Variants in CTDP1 observed in about 807,000 individuals in gnomAD.
CTDP1 encodes the protein CTD phosphatase 1, also known as RNA polymerase II subunit A C-terminal domain phosphatase.
A neutral mutation model predicts 91.8 loss-of-function variants in CTDP1; 47 were observed. The ratio of observed to expected loss-of-function variants is 0.51; its 90% confidence interval spans 0.41 to 0.65. The LOEUF (loss-of-function observed/expected upper bound fraction) is 0.65, where lower values mean the gene tolerates loss of function less well. Among genes scored for constraint, CTDP1 ranks in the 30% least tolerant of loss-of-function variants. The pLI, the probability that CTDP1 is intolerant of heterozygous loss-of-function variation, is 0.00. For missense variants in CTDP1, 1,272 were observed against 1,373.7 expected (o/e 0.93, Z 1.17); for synonymous variants, 656 against 598.5 (o/e 1.10, Z -1.40).
intron 12 of CTDP1, among the ~76,000 whole-genome samples, chr18:79,744,602 T>G (rs2086841590): frequency 6.6e-6 from 1 of 152,208 alleles, no homozygotes. Flanking sequence ...CAAAGAATGC[T>G]TCTACAGGTA....
intron 12 of CTDP1, among the ~76,000 whole-genome samples, chr18:79,750,381 T>G (rs2122896322): frequency 6.6e-6 from 1 of 152,216 alleles, no homozygotes; most frequent in East Asian, 1.9e-4. Context: ...CATGTAGCAA[T>G]TAAAAGTAAG....
In CTDP1 at chr18:79,718,020, C is replaced by T. The variant is rs140817872; in HGVS notation, c.2417+4C>T. Reference sequence around the variant, plus strand: ...GCCAGGAGCCCTCTTCCTTCAGGTACGTGGCGGCCCAGCCACTGTCCCCAG... The same window carrying T: ...GCCAGGAGCCCTCTTCCTTCAGGTATGTGGCGGCCCAGCCACTGTCCCCAG... On this transcript the variant is annotated splice_donor_region_variant and intron_variant, in intron 10 of 12. Transcript: ENST00000613122. The T allele has an allele frequency of 4.2e-5, 67 of 1,612,796 alleles. No homozygotes were observed. The Middle Eastern group carries it at 4.9e-4, about 12-fold the overall frequency.
chr18:79,706,557 GT>G (rs879462129), intron 5 of CTDP1, among the ~76,000 whole-genome samples: 11 of 148,938 alleles, frequency 7.4e-5, no homozygotes, highest in African/African-American at 1.7e-4. Flanking sequence ...CTATTCTCTG[GT>G]TTTTTTTTTG....
intron 5 of CTDP1, among the ~76,000 whole-genome samples, chr18:79,706,076 G>A (rs1216826070): frequency 1.3e-5 from 2 of 152,198 alleles, no homozygotes; most frequent in African/African-American, 2.4e-5. Context: ...TAGGAGGGGC[G>A]TGGGAGGTGG....
At chr18:79,711,797 C>T (rs932659035) in intron 6 of CTDP1, among the ~76,000 whole-genome samples, 16 of 152,202 alleles carry the variant, frequency 1.1e-4, no homozygotes, top group Admixed American at 2.6e-4. Context: ...GGCCGCTCCC[C>T]GCCCCTCCGC....
chr18:79,695,125 A>G, intron 1 of CTDP1, 100 bp from the exon 2 acceptor site: 1 of 1,040,644 alleles, frequency 9.6e-7, no homozygotes, highest in Admixed American at 1.9e-5. Context: ...GGGTTAGTGT[A>G]GAATTGGTAC....
chr18:79,715,122 G>C lies in CTDP1; in HGVS notation c.1662G>C (p.Ala554=). ...ACGGCTGTGCCGACAGGAAGGAGGC[G>C]GAGACCGAGTCACAGAACAGCGAGC... ...LGNGCADRKE[A]ETESQNSELS... Residue 554 remains alanine, a synonymous_variant, in exon 8 of 13, where the codon GCG becomes GCC. Transcript: ENST00000613122. The C allele has an allele frequency of 6.2e-7, 1 of 1,613,474 alleles. No individual in the cohort carries two copies. The highest frequency in any genetic ancestry group is 8.5e-7 in the Non-Finnish European group (1 of 1,179,958).
At chr18:79,727,178 A>G (rs1477407792) in intron 10 of CTDP1, among the ~76,000 whole-genome samples, 1 of 152,204 alleles carries the variant, frequency 6.6e-6, no homozygotes. Context: ...TGGCGGGAGT[A>G]GAGCAGTTAT....
At chr18:79,686,221 A>G (rs2085490657) in intron 1 of CTDP1, among the ~76,000 whole-genome samples, 1 of 152,170 alleles carries the variant, frequency 6.6e-6, no homozygotes, top group Non-Finnish European at 1.5e-5. Flanking sequence ...GTGCATTATC[A>G]GATTTGTCTC....
At chr18:79,755,089 G>A (rs1240470972), downstream of CTDP1, 3 of 152,296 alleles carry the variant, frequency 2.0e-5, no homozygotes, top group Admixed American at 6.5e-5. Flanking sequence ...TGGGGTTTTC[G>A]ATGGAGGTTG....
intron 11 of CTDP1, among the ~76,000 whole-genome samples, chr18:79,732,244 CATG>C (rs2086581283): frequency 6.7e-6 from 1 of 148,730 alleles, no homozygotes; most frequent in South Asian, 2.2e-4. Flanking sequence ...AACTCACTAA[CATG>C]AGAAGTGCTC....
intron 12 of CTDP1, among the ~76,000 whole-genome samples, chr18:79,737,430 G>C (rs2086691272): frequency 6.6e-6 from 1 of 152,124 alleles, no homozygotes. Context: ...GTAAGGGGGG[G>C]ATTTAGCTTT....
chr18:79,695,042 G>A (rs2085719453), intron 1 of CTDP1, among the ~76,000 whole-genome samples, 183 bp from the exon 2 acceptor site: 1 of 152,128 alleles, frequency 6.6e-6, no homozygotes, highest in Non-Finnish European at 1.5e-5. Context: ...ACCTGTAGGT[G>A]GAAAGTCCTT....
chr18:79,695,309 G>T lies in CTDP1; in HGVS notation c.398+1G>T. ...CTGAATGTGGCCAAGACCTCACCCAGTAAGTATCCGGAAGAGTGAGATCGC... is the reference window on the plus strand; with the variant it reads ...CTGAATGTGGCCAAGACCTCACCCATTAAGTATCCGGAAGAGTGAGATCGC... On this transcript the variant is annotated splice_donor_variant, in intron 2 of 12. Transcript: ENST00000613122. LOFTEE classifies it high-confidence loss of function. 6.2e-7 allele frequency: 1 copy of T among 1,614,036 alleles called. No individual in the cohort carries two copies. The highest frequency in any genetic ancestry group is 8.5e-7 in the Non-Finnish European group (1 of 1,179,916).
chr18:79,723,861 C>T (rs547239320), intron 10 of CTDP1, among the ~76,000 whole-genome samples: 3 of 152,304 alleles, frequency 2.0e-5, no homozygotes, highest in East Asian at 1.9e-4. Context: ...TACGGCAAGT[C>T]GGCAACCTTC....
chr18:79,737,570 C>G (rs1481616253), intron 12 of CTDP1, among the ~76,000 whole-genome samples: 1 of 152,082 alleles, frequency 6.6e-6, no homozygotes, highest in African/African-American at 2.4e-5. Context: ...TTTGAGACAT[C>G]TTTTCTCAGG....
At chr18:79,714,206 C>T (rs1354034580) in intron 7 of CTDP1, among the ~76,000 whole-genome samples, 3 of 152,180 alleles carry the variant, frequency 2.0e-5, no homozygotes, top group Non-Finnish European at 4.4e-5. Flanking sequence ...AGGAAATACT[C>T]ATTAGGGTAT....
At chr18:79,689,444 T>C (rs1216185448) in intron 1 of CTDP1, among the ~76,000 whole-genome samples, 1 of 152,200 alleles carries the variant, frequency 6.6e-6, no homozygotes, top group African/African-American at 2.4e-5. Context: ...GTGGTGGTGT[T>C]CTCAATTCCA....
chr18:79,706,296 G>A (rs1469592085), intron 5 of CTDP1, among the ~76,000 whole-genome samples: 1 of 152,186 alleles, frequency 6.6e-6, no homozygotes, highest in Non-Finnish European at 1.5e-5. Flanking sequence ...AGCAGCCCAG[G>A]CCGACTAAGC....
Sources: gnomAD v4.1 joint callset for allele counts (sites outside exome capture counted in the v4.1 genomes callset) on GRCh38, gnomAD v4.1.1 for gene constraint, MANE v1.5 for transcripts, NCBI Gene and HGNC (gene_info 2026-07-23, HGNC 2026-07-21) for gene names.